PAK3: variants seen among roughly 807,000 people sequenced by gnomAD.
PAK3 encodes the protein serine/threonine-protein kinase PAK 3.
PAK3 carries 4 observed loss-of-function variants against 41.0 expected under a neutral mutation model. The ratio of observed to expected loss-of-function variants is 0.10; its 90% CI spans 0.05 to 0.22. PAK3 has a LOEUF of 0.22. PAK3 is among the 10% of genes least tolerant of loss of function. The pLI, the probability that PAK3 is intolerant of heterozygous loss-of-function variation, is 1.00. For synonymous variants in PAK3, 146 were observed against 139.6 expected (o/e 1.05, Z -0.32); for missense variants, 205 against 409.9 (o/e 0.50, Z 4.32).
chrX:111,006,978 T>A lies in PAK3; in HGVS notation c.-28+62350T>A, dbSNP rs190478132. Among the ~76,000 whole-genome samples, 227 of 106,679 alleles carry A rather than the reference T, an allele frequency of 2.1e-3. 1 individual carries two copies. The highest frequency in any genetic ancestry group is 7.6e-3 in the African/African-American group (224 of 29,293). The allele number at this position is 106,679 out of a possible 115,157, so 92.6% of individuals were successfully genotyped here. A position where few individuals can be genotyped will look rare whatever the true frequency, so the allele number is the denominator to read the frequency against. ...TCCCGCCTTGGCCTCCCAAACAAAA[T>A]GTTGAGTTTACAGGCATGAGTTACC... On this transcript the variant is annotated intron_variant, in intron 1 of 14. Transcript: ENST00000425146.
chrX:111,001,024 G>A (rs1413594296), intron 1 of PAK3, among the ~76,000 whole-genome samples: 1 of 111,679 alleles, frequency 9.0e-6, no homozygotes, highest in Non-Finnish European at 1.9e-5. Flanking sequence ...AGAAGAGGGT[G>A]CAAGAGCCAC....
chrX:110,956,156 T>C (rs190192084), intron 1 of PAK3, among the ~76,000 whole-genome samples: 1 of 112,365 alleles, frequency 8.9e-6, no homozygotes, highest in African/African-American at 3.2e-5. Context: ...TGAAGCTCCA[T>C]GAAGAGGTTT....
intron 8 of PAK3, among the ~76,000 whole-genome samples, chrX:111,154,144 G>C (rs1333442717): frequency 9.0e-6 from 1 of 111,396 alleles, no homozygotes; most frequent in Non-Finnish European, 1.9e-5. Context: ...CTGGGAGCAG[G>C]GGGAGTGGGC....
intron 1 of PAK3, among the ~76,000 whole-genome samples, chrX:111,062,641 G>C (rs1425569926): frequency 9.0e-6 from 1 of 111,363 alleles, no homozygotes; most frequent in Non-Finnish European, 1.9e-5. Context: ...TGCAAGAAGA[G>C]AGGAAGAAAG....
chrX:111,217,565 C>A (rs1251531538), intron 17 of PAK3: 1 of 964,604 alleles, frequency 1.0e-6, no homozygotes, highest in Non-Finnish European at 1.3e-6. Flanking sequence ...CAGAGCTGCA[C>A]CCAGGCAAAA....
chrX:111,042,623 A>G (rs1471217245), intron 1 of PAK3, among the ~76,000 whole-genome samples: 2 of 111,667 alleles, frequency 1.8e-5, no homozygotes, highest in Non-Finnish European at 3.8e-5. Flanking sequence ...TGCGGCAACC[A>G]CATATCAAAT....
intron 6 of PAK3, among the ~76,000 whole-genome samples, chrX:111,147,482 CT>C (rs373106977): frequency 0.02 from 2,107 of 106,924 alleles, 46 homozygotes; most frequent in African/African-American, 0.063. Context: ...TTTTCATGCG[CT>C]TTTTTTTTTC....
chrX:111,055,416 C>A (rs180842964), intron 1 of PAK3, among the ~76,000 whole-genome samples: 3 of 112,418 alleles, frequency 2.7e-5, no homozygotes, highest in Admixed American at 1.9e-4. Context: ...CCTATGACCC[C>A]GTAAGAGTCC....
intron 1 of PAK3, among the ~76,000 whole-genome samples, chrX:110,995,078 C>T (rs903779420): frequency 2.7e-5 from 3 of 111,451 alleles, no homozygotes; most frequent in African/African-American, 9.8e-5. Context: ...TTTGTGTTTA[C>T]GTCTTGATCT....
chrX:111,129,723 A>G (rs776937586), intron 5 of PAK3, among the ~76,000 whole-genome samples: 1 of 111,652 alleles, frequency 9.0e-6, no homozygotes, highest in African/African-American at 3.3e-5. Context: ...ACACTAAGGT[A>G]AAGAAGCCAC....
chrX:111,032,318 G>T (rs1249855358), intron 1 of PAK3, among the ~76,000 whole-genome samples: 1 of 111,771 alleles, frequency 8.9e-6, no homozygotes, highest in East Asian at 2.8e-4. Flanking sequence ...ATTACATCTT[G>T]GTTGCATTTG....
Position 110,948,381 on chromosome X carries a change from A to G in PAK3, c.-28+3753A>G, listed in dbSNP as rs181289602. On this transcript the variant is annotated intron_variant, in intron 1 of 14. Coordinates refer to the PAK3 transcript ENST00000425146. Reference sequence around the variant, plus strand: ...GGCCATGTTGGAAGCTAGCTGGTGCAGGATTTCTCTCCAGTAGCCCCAACA... The same window carrying G: ...GGCCATGTTGGAAGCTAGCTGGTGCGGGATTTCTCTCCAGTAGCCCCAACA... Among the ~76,000 whole-genome samples, 7 of 111,907 alleles carry G rather than the reference A, an allele frequency of 6.3e-5. No individual in the cohort carries two copies. The East Asian group carries it at 2.0e-3, about 31-fold the overall frequency.
intron 1 of PAK3, among the ~76,000 whole-genome samples, chrX:111,027,615 G>T (rs775539223): frequency 9.0e-6 from 1 of 111,656 alleles, no homozygotes; most frequent in African/African-American, 3.2e-5. Context: ...AAACCACAAT[G>T]CAATACCACC....
intron 4 of PAK3, among the ~76,000 whole-genome samples, chrX:111,113,131 C>T (rs1603250093): frequency 9.0e-6 from 1 of 111,396 alleles, no homozygotes; most frequent in African/African-American, 3.3e-5. Flanking sequence ...TCCTACCTTT[C>T]AAATCCTATT....
At chrX:111,215,939 C>T (rs1025862293) in intron 16 of PAK3, among the ~76,000 whole-genome samples, 4 of 112,168 alleles carry the variant, frequency 3.6e-5, no homozygotes, top group Admixed American at 2.8e-4. Flanking sequence ...CTATAATGTA[C>T]TCTCTTCATT....
rs1448118131 is a variant in PAK3 at position 111,196,860 on chromosome X, T to C, written c.1407+220T>C. On this transcript the variant is annotated intron_variant, in intron 16 of 17. Coordinates refer to ENST00000372007, the MANE Select transcript of PAK3 (RefSeq NM_002578.5). ...TCTTTTTCTTTCTTTCTTTCTTTTT[T>C]TTTTTTTTTTTTGGAGAAAGAATAA... 4.1e-3 allele frequency among the ~76,000 whole-genome samples: 438 copies of C among 107,824 alleles called. 2 individuals carry two copies. The highest frequency in any genetic ancestry group is 0.014 in the African/African-American group (422 of 29,578). 93.6% of individuals were successfully genotyped at this position (107,824 alleles called of 115,157 possible). A position where few individuals can be genotyped will look rare whatever the true frequency, so the allele number is the denominator to read the frequency against.
intron 1 of PAK3, among the ~76,000 whole-genome samples, chrX:111,075,461 G>A (rs780736429): frequency 8.8e-6 from 1 of 113,030 alleles, no homozygotes; most frequent in African/African-American, 3.2e-5. Context: ...CAAGCTGTAA[G>A]CCTTGGCAGC....
chrX:111,159,675 T>A (rs1008668324), intron 8 of PAK3, among the ~76,000 whole-genome samples: 5 of 111,854 alleles, frequency 4.5e-5, no homozygotes, highest in African/African-American at 1.6e-4. Context: ...AGTGATTTTT[T>A]AAAAATCTGG....
chrX:110,971,367 C>A, intron 1 of PAK3, among the ~76,000 whole-genome samples: 2 of 112,140 alleles, frequency 1.8e-5, no homozygotes. Flanking sequence ...TGGCTTCTTT[C>A]ACTTAGCATA....
Sources: allele counts gnomAD v4.1 joint callset (sites outside exome capture counted in the v4.1 genomes callset), GRCh38; gene constraint gnomAD v4.1.1; transcripts MANE v1.5; gene names NCBI Gene and HGNC (gene_info 2026-07-23, HGNC 2026-07-21).